The following ROR1 variants were observed in gnomAD, a reference collection of about 807,000 sequenced individuals.
The protein encoded by ROR1 is ROR family WNT receptor 1.
A neutral mutation model predicts 78.8 loss-of-function variants in ROR1; 19 were observed. That is an observed-to-expected ratio of 0.24 (90% CI 0.17 to 0.35). The LOEUF (loss-of-function observed/expected upper bound fraction) is 0.35. Among genes scored for constraint, ROR1 ranks in the 10% least tolerant of loss-of-function variants. The pLI, the probability that ROR1 is intolerant of heterozygous loss-of-function variation, is 1.00. For missense variants in ROR1, 917 were observed against 1,177.8 expected, an observed-to-expected ratio of 0.78 and a Z score of 3.24; for synonymous variants, 386 against 433.6, an observed-to-expected ratio of 0.89 and a Z score of 1.36.
chr1:64,167,355 G>A (rs1415123548), intron 8 of ROR1, among the ~76,000 whole-genome samples: 4 of 152,160 alleles, frequency 2.6e-5, no homozygotes, highest in Non-Finnish European at 4.4e-5. Context: ...AGAAAGTTAC[G>A]TTATAGAGAA....
At chr1:63,777,381 G>A (rs986937452) in intron 1 of ROR1, among the ~76,000 whole-genome samples, 1 of 152,194 alleles carries the variant, frequency 6.6e-6, no homozygotes, top group Non-Finnish European at 1.5e-5. Flanking sequence ...AAAACACTGA[G>A]AGCCCAAGTC....
chr1:63,967,796 G>GTA (rs1175369813), intron 1 of ROR1, among the ~76,000 whole-genome samples: 1 of 152,150 alleles, frequency 6.6e-6, no homozygotes, highest in East Asian at 1.9e-4. Context: ...TGGACTCTAG[G>GTA]ATCTCCTGAG....
At chr1:63,808,526 A>G (rs1363663385) in intron 1 of ROR1, among the ~76,000 whole-genome samples, 2 of 152,220 alleles carry the variant, frequency 1.3e-5, no homozygotes, top group African/African-American at 4.8e-5. Context: ...TGATCAATTC[A>G]GGAGGTATTG....
chr1:63,979,440 T>C (rs1342884400), intron 1 of ROR1, among the ~76,000 whole-genome samples: 2 of 152,050 alleles, frequency 1.3e-5, no homozygotes, highest in Non-Finnish European at 2.9e-5. Flanking sequence ...AATGATGCAA[T>C]TGGAATCCAG....
At chr1:63,955,123 G>A (rs1234203217) in intron 1 of ROR1, among the ~76,000 whole-genome samples, 1 of 152,164 alleles carries the variant, frequency 6.6e-6, no homozygotes, top group Admixed American at 6.5e-5. Context: ...GGCAGTGGAC[G>A]TGGATTAGGC....
At chr1:63,992,408 A>G (rs899843431) in intron 1 of ROR1, among the ~76,000 whole-genome samples, 1 of 151,994 alleles carries the variant, frequency 6.6e-6, no homozygotes, top group African/African-American at 2.4e-5. Flanking sequence ...AGGTTTCACC[A>G]TGTTGGCCAG....
At chr1:64,039,248 G>A (rs1387258423) in intron 2 of ROR1, among the ~76,000 whole-genome samples, 1 of 152,304 alleles carries the variant, frequency 6.6e-6, no homozygotes, top group East Asian at 1.9e-4. Flanking sequence ...TACATTCTGG[G>A]AAAACATGAA....
In ROR1 at chr1:64,043,074, C is replaced by G. The variant is rs1646756991; in HGVS notation, c.164-6617C>G. On this transcript the variant is annotated intron_variant, in intron 2 of 8. Coordinates refer to ENST00000371079, the MANE Select transcript of ROR1 (RefSeq NM_005012.4). Reference sequence around the variant, plus strand: ...TGTGACTGGCTCCTCGGCTGACTGGCTGGGTTGCCATGGCAATGGACTGCT... The same window carrying G: ...TGTGACTGGCTCCTCGGCTGACTGGGTGGGTTGCCATGGCAATGGACTGCT... Among the ~76,000 whole-genome samples, 3 of 152,240 alleles carry G rather than the reference C, an allele frequency of 2.0e-5. No homozygotes were observed. The South Asian group carries it at 6.2e-4, about 31-fold the overall frequency.
chr1:63,989,135 C>T (rs901873428), intron 1 of ROR1, among the ~76,000 whole-genome samples: 20 of 147,998 alleles, frequency 1.4e-4, no homozygotes, highest in African/African-American at 4.7e-4. Flanking sequence ...AGTTTCTCCA[C>T]ATTTTTGCCA....
rs1208813882 is a variant in ROR1 at position 64,014,740 on chromosome 1, C to CTATA, written c.163+5395_163+5398dup. ...ATATATATATATACACATACGCACA[C>CTATA]TATATATATATATATATATATATAT... On this transcript the variant is annotated intron_variant, in intron 2 of 8. Transcript: ENST00000371079. 3.0e-3 allele frequency among the ~76,000 whole-genome samples: 88 copies of CTATA among 29,046 alleles called. 8 individuals are homozygous for CTATA. Among genetic ancestry groups the CTATA allele is most frequent in the African/African-American group, 7.0e-3 (63 of 8,966 alleles). 19.1% of individuals were successfully genotyped at this position (29,046 alleles called of 152,430 possible).
chr1:63,978,121 T>C (rs1248626694), intron 1 of ROR1, among the ~76,000 whole-genome samples: 2 of 152,202 alleles, frequency 1.3e-5, no homozygotes, highest in Non-Finnish European at 2.9e-5. Context: ...ATCTGGTTAG[T>C]AGCCCAACTA....
At chr1:64,056,938 A>G (rs1342506977) in intron 4 of ROR1, among the ~76,000 whole-genome samples, 3 of 152,124 alleles carry the variant, frequency 2.0e-5, no homozygotes, top group Non-Finnish European at 4.4e-5. Flanking sequence ...TATGATTTGC[A>G]AATATTTTCA....
chr1:64,101,837 G>A (rs898463866), intron 4 of ROR1, among the ~76,000 whole-genome samples: 16 of 152,132 alleles, frequency 1.1e-4, no homozygotes, highest in African/African-American at 3.6e-4. Context: ...CCAGGCAAAC[G>A]GGACAGCTAA....
rs940741563 is a variant in ROR1, at chr1:63,997,658, C to T, written c.92-11647C>T. 8.7e-5 allele frequency among the ~76,000 whole-genome samples: 10 copies of T among 114,924 alleles called. No individual in the cohort carries two copies. The Admixed American group carries it at 8.9e-4, about 10-fold the overall frequency. The allele number at this position is 114,924 out of a possible 152,430, so 75.4% of individuals were successfully genotyped here. The stretch of plus-strand genomic sequence containing the variant: ...CTTACCCTGGTGGTTTGTAGAGGAT[C>T]GGTGCTAGGCTGCAGGTTATGTTAA... On this transcript the variant is annotated intron_variant, in intron 1 of 8. Coordinates refer to ENST00000371079, the MANE Select transcript of ROR1 (RefSeq NM_005012.4).
chr1:63,884,213 C>T (rs1258584563), intron 1 of ROR1, among the ~76,000 whole-genome samples: 1 of 152,172 alleles, frequency 6.6e-6, no homozygotes, highest in Non-Finnish European at 1.5e-5. Flanking sequence ...GGGTGATTCC[C>T]ACGTGGAGGG....
chr1:64,081,593 A>G (rs1647101997), intron 4 of ROR1, among the ~76,000 whole-genome samples: 1 of 151,964 alleles, frequency 6.6e-6, no homozygotes, highest in Non-Finnish European at 1.5e-5. Flanking sequence ...CCTGAGCAAC[A>G]TAGGGAGACT....
chr1:64,112,533 C>G (rs912170032), intron 4 of ROR1, among the ~76,000 whole-genome samples: 1 of 152,140 alleles, frequency 6.6e-6, no homozygotes, highest in Non-Finnish European at 1.5e-5. Flanking sequence ...CTAACAGTGT[C>G]TTAATTGATA....
chr1:63,947,303 C>T (rs1014285240), intron 1 of ROR1, among the ~76,000 whole-genome samples: 2 of 152,192 alleles, frequency 1.3e-5, no homozygotes, highest in Non-Finnish European at 1.5e-5. Context: ...GCATTACCAT[C>T]TATGCTAATA....
intron 1 of ROR1, among the ~76,000 whole-genome samples, chr1:63,936,010 G>A (rs1645791493): frequency 2.0e-5 from 3 of 152,302 alleles, no homozygotes; most frequent in Admixed American, 2.0e-4. Flanking sequence ...TTCTGAGAGG[G>A]TGAAAGGGAG....
Sources: allele counts gnomAD v4.1 joint callset (sites outside exome capture counted in the v4.1 genomes callset), GRCh38; gene constraint gnomAD v4.1.1; transcripts MANE v1.5; gene names NCBI Gene and HGNC (gene_info 2026-07-23, HGNC 2026-07-21).